Variants in PCDHGA9 observed in about 807,000 individuals in gnomAD.
PCDHGA9 encodes protocadherin gamma subfamily A, 9.
PCDHGA9 carries 37 observed loss-of-function variants against 62.5 expected under a neutral mutation model. That is an observed-to-expected ratio of 0.59 (90% CI 0.46 to 0.78). PCDHGA9 has a LOEUF of 0.78. PCDHGA9 is among the 30% of genes least tolerant of loss of function. The pLI is 0.00. For synonymous variants in PCDHGA9, 459 were observed against 484.6 expected (o/e 0.95, Z 0.69); for missense variants, 1,138 against 1,166.2 (o/e 0.98, Z 0.35).
At chr5:141,478,269 A>G in intron 1 of PCDHGA9, 1 of 1,614,146 alleles carries the variant, frequency 6.2e-7, no homozygotes, top group Non-Finnish European at 8.5e-7. Flanking sequence ...TTCAAAGTTT[A>G]CAAGTGGAAG....
chr5:141,496,783 C>T (rs572860852), intron 2 of PCDHGA9, among the ~76,000 whole-genome samples: 1 of 152,162 alleles, frequency 6.6e-6, no homozygotes, highest in East Asian at 1.9e-4. Context: ...GAGCAGGGCC[C>T]TGTGCTAAAC....
At chr5:141,497,018 A>G (rs988584487) in intron 2 of PCDHGA9, among the ~76,000 whole-genome samples, 1 of 152,084 alleles carries the variant, frequency 6.6e-6, no homozygotes, top group Non-Finnish European at 1.5e-5. Flanking sequence ...GTGAAACCCC[A>G]TCTCGATTAA....
chr5:141,469,829 A>G (rs2099212486), intron 1 of PCDHGA9, among the ~76,000 whole-genome samples: 1 of 152,102 alleles, frequency 6.6e-6, no homozygotes, highest in African/African-American at 2.4e-5. Context: ...AGGTCACATA[A>G]AACTTATTCT....
chr5:141,453,930 T>G (rs944390811), intron 1 of PCDHGA9, among the ~76,000 whole-genome samples: 10 of 152,242 alleles, frequency 6.6e-5, no homozygotes, highest in Non-Finnish European at 1.0e-4. Flanking sequence ...AGTCACTGTG[T>G]GCCTATAATT....
chr5:141,406,331 C>T lies in PCDHGA9; in HGVS notation c.2424+955C>T, dbSNP rs577134835. 6.6e-5 allele frequency among the ~76,000 whole-genome samples: 10 copies of T among 152,002 alleles called. No homozygotes were observed. In the East Asian group the frequency reaches 1.3e-3, roughly 21 times the overall value. ...CTCACCCAGCAAATTCTTACTCCTA[C>T]GATCATTTATTCAGGTCATACTATG... On this transcript the variant is annotated intron_variant, in intron 1 of 3. Coordinates refer to ENST00000573521, the MANE Select transcript of PCDHGA9 (RefSeq NM_018921.3).
chr5:141,509,882 GTGAC>G (rs1186067105), intron 3 of PCDHGA9, among the ~76,000 whole-genome samples: 1 of 152,182 alleles, frequency 6.6e-6, no homozygotes, highest in Non-Finnish European at 1.5e-5. Context: ...GGTGGTGATG[GTGAC>G]TGACTGTCCC....
At position 141,403,571 on chromosome 5, in the gene PCDHGA9, G is replaced by T. The variant is rs778030830; in HGVS notation, c.619G>T (p.Ala207Ser). Reference sequence around the variant, plus strand: ...CGCCCTGGACAGGGAGGAGGCAACTGCCCACCACCTGGTCCTCACGGCCTC... The same window carrying T: ...CGCCCTGGACAGGGAGGAGGCAACTTCCCACCACCTGGTCCTCACGGCCTC... ...ERALDREEATAHHLVLTASDG... is the reference protein window; with the variant it reads ...ERALDREEATSHHLVLTASDG... The change falls in exon 1 of 4, where the codon GCC becomes TCC. Residue 207 changes from alanine to serine, a missense_variant. By Grantham distance (99) the Ala-to-Ser change is moderately conservative (BLOSUM62 1). Coordinates refer to ENST00000573521, the MANE Select transcript of PCDHGA9 (RefSeq NM_018921.3). The T allele has an allele frequency of 1.2e-6, 2 of 1,613,904 alleles. No individual in the cohort carries two copies. The highest frequency in any genetic ancestry group is 1.1e-5 in the South Asian group (1 of 91,072).
rs1201654822 is a variant in PCDHGA9, at chr5:141,476,876, C to T, written c.2425-17931C>T. ...CCAGTCCTTGTACCGGGCGCGCGTC[C>T]TGGAGGATGCACCCTCCGGCACGCG... On this transcript the variant is annotated intron_variant, in intron 1 of 3. Transcript: ENST00000573521. The surrounding 1 kb of genome is among the most constrained non-coding windows in gnomAD (Gnocchi z 7.6). 6.2e-7 allele frequency: 1 copy of T among 1,613,876 alleles called. No homozygotes were observed. The highest frequency in any genetic ancestry group is 1.7e-5 in the Admixed American group (1 of 60,018).
intron 1 of PCDHGA9, among the ~76,000 whole-genome samples, chr5:141,407,095 T>C (rs1242751445): frequency 6.6e-6 from 1 of 152,370 alleles, no homozygotes; most frequent in East Asian, 1.9e-4. Flanking sequence ...ATTGTTTTAT[T>C]TGTTTGTAAT....
chr5:141,405,251 C>T lies in PCDHGA9; in HGVS notation c.2299C>T (p.His767Tyr), dbSNP rs1462013657. ...CCTCACCGCTGACTCAAGGAAGAGT[C>T]ACCTGATCTTCCCCCAGCCCAACTA... is the stretch of plus-strand genomic sequence containing the variant. ...FSLTADSRKS[H>Y]LIFPQPNYAD... is the part of the protein sequence containing the mutation. The change falls in exon 1 of 4, where the codon CAC becomes TAC. Residue 767 changes from histidine (H) to tyrosine (Y), a missense_variant. His to Tyr is a moderately conservative substitution (Grantham distance 83, BLOSUM62 2). Transcript: ENST00000573521. The T allele has an allele frequency of 6.2e-7, 1 of 1,614,124 alleles. No homozygotes were observed. Among genetic ancestry groups the T allele is most frequent in the Admixed American group, 1.7e-5 (1 of 60,022 alleles).
intron 1 of PCDHGA9, among the ~76,000 whole-genome samples, chr5:141,464,132 G>A (rs1432411937): frequency 6.6e-6 from 1 of 152,076 alleles, no homozygotes; most frequent in Non-Finnish European, 1.5e-5. Flanking sequence ...GGGTGTGGTG[G>A]TGGGCGCCTG....
At chr5:141,480,059 T>G (rs1169389701) in intron 1 of PCDHGA9, among the ~76,000 whole-genome samples, 1 of 152,096 alleles carries the variant, frequency 6.6e-6, no homozygotes, top group African/African-American at 2.4e-5. Context: ...GAATAATAAG[T>G]GTTTTATAAG....
rs1453332441 is a variant in PCDHGA9, at chr5:141,404,476, C to T, written c.1524C>T (p.Asn508=). 1 of 1,613,362 alleles carries T rather than the reference C, an allele frequency of 6.2e-7. No individual in the cohort carries two copies. The highest frequency in any genetic ancestry group is 1.1e-5 in the South Asian group (1 of 91,078). ...GSPLSTYVSI[N]SDTGVLYALC... The stretch of plus-strand genomic sequence containing the variant: ...CTCTCTCCACCTATGTCTCTATTAA[C>T]TCAGACACTGGTGTGCTGTATGCTC... Residue 508 remains asparagine, a synonymous_variant, in exon 1 of 4, where the codon AAC becomes AAT. Coordinates refer to ENST00000573521, the MANE Select transcript of PCDHGA9 (RefSeq NM_018921.3).
At chr5:141,436,632 G>T (rs763510513) in intron 1 of PCDHGA9, among the ~76,000 whole-genome samples, 2 of 152,130 alleles carry the variant, frequency 1.3e-5, no homozygotes, top group Non-Finnish European at 2.9e-5. Context: ...TTCACAACAT[G>T]CAATTAATTA....
At position 141,403,081 on chromosome 5, in the gene PCDHGA9, T is replaced by C. The variant is rs772246285; in HGVS notation, c.129T>C (p.Tyr43=). The change falls in exon 1 of 4, where the codon TAT becomes TAC. Residue 43 remains tyrosine (Y), a synonymous_variant. Coordinates refer to ENST00000573521, the MANE Select transcript of PCDHGA9 (RefSeq NM_018921.3). ...TGCCTGAAGAGACAGAAAAGGGCTATATTGTGGGCAACATCTCCAAGGACC... is the reference window on the plus strand; with the variant it reads ...TGCCTGAAGAGACAGAAAAGGGCTACATTGTGGGCAACATCTCCAAGGACC... ...YSVPEETEKG[Y]IVGNISKDLA... 6.2e-7 allele frequency: 1 copy of C among 1,614,048 alleles called. No homozygotes were observed. The highest frequency in any genetic ancestry group is 2.2e-5 in the East Asian group (1 of 44,872).
In PCDHGA9 at chr5:141,511,360, T is replaced by C; in HGVS notation, c.*187T>C. The C allele has an allele frequency of 7.5e-7, 1 of 1,333,050 alleles. No individual in the cohort carries two copies. Among genetic ancestry groups the C allele is most frequent in the Non-Finnish European group, 1.0e-6 (1 of 994,882 alleles). 82.6% of individuals were successfully genotyped at this position (1,333,050 alleles called of 1,614,324 possible). On this transcript the variant is annotated 3_prime_UTR_variant, in exon 4 of 4. Transcript: ENST00000573521. ...ACCTACCCCTTCCCCCCCAGGGGGT[T>C]GAATATGCAAAAGCAGTTCCGCTGG...
intron 2 of PCDHGA9, among the ~76,000 whole-genome samples, chr5:141,495,834 C>T (rs1366861675): frequency 6.6e-6 from 1 of 152,198 alleles, no homozygotes; most frequent in African/African-American, 2.4e-5. Context: ...CTATCCCCAG[C>T]CTCTATGTTT....
At chr5:141,481,919 A>C (rs1488201177) in intron 1 of PCDHGA9, among the ~76,000 whole-genome samples, 1 of 151,214 alleles carries the variant, frequency 6.6e-6, no homozygotes, top group Non-Finnish European at 1.5e-5. Context: ...ATCTCAAAAA[A>C]AAAAAAAAAA....
At chr5:141,430,425 A>G (rs1298131518) in intron 1 of PCDHGA9, among the ~76,000 whole-genome samples, 3 of 152,076 alleles carry the variant, frequency 2.0e-5, no homozygotes, top group Non-Finnish European at 4.4e-5. Context: ...TAAAGCGAAT[A>G]CGGTAGATTT....
Sources: gnomAD v4.1 joint callset for allele counts (sites outside exome capture counted in the v4.1 genomes callset) on GRCh38, gnomAD v4.1.1 for gene constraint, Gnocchi (gnomAD v3.1) non-coding constraint, MANE v1.5 for transcripts, NCBI Gene and HGNC (gene_info 2026-07-23, HGNC 2026-07-21) for gene names.